The following GRIN2A variants were observed in gnomAD, a reference collection of about 807,000 sequenced individuals.
The protein encoded by GRIN2A is glutamate receptor ionotropic, NMDA 2A.
In GRIN2A, 22 loss-of-function variants were observed where a neutral mutation model predicts 113.4. That is an observed-to-expected ratio of 0.19 (90% CI 0.14 to 0.28). The LOEUF (loss-of-function observed/expected upper bound fraction) is 0.28, where lower values mean the gene tolerates loss of function less well. Among genes scored for constraint, GRIN2A ranks in the 10% least tolerant of loss-of-function variants. GRIN2A has a pLI of 1.00. For synonymous variants in GRIN2A, 827 were observed against 738.4 expected (o/e 1.12, Z -1.94); for missense variants, 1,502 against 1,887.0 (o/e 0.80, Z 3.78).
chr16:9,806,113 C>T (rs896425980), intron 10 of GRIN2A, among the ~76,000 whole-genome samples: 5 of 152,200 alleles, frequency 3.3e-5, no homozygotes, highest in East Asian at 1.9e-4. Flanking sequence ...TCTTGCATAG[C>T]GTAGTTAAAT....
At chr16:10,078,396 C>T (rs996231511) in intron 2 of GRIN2A, among the ~76,000 whole-genome samples, 4 of 151,908 alleles carry the variant, frequency 2.6e-5, no homozygotes, top group Non-Finnish European at 4.4e-5. Context: ...AGGAGCCACA[C>T]ATGTAGAATG....
rs1320797353 is a variant in GRIN2A, at chr16:9,764,276, C to A, written c.3268G>T (p.Val1090Leu). Residue 1090 changes from valine (V) to leucine (L), a missense_variant, in exon 13 of 13, where the codon GTG becomes TTG. Physicochemically the swap from Val to Leu is conservative, Grantham distance 32 (BLOSUM62 1). This residue lies in a region of GRIN2A where 832 missense variants were observed against 789.7 expected (regional missense o/e 1.05). Transcript: ENST00000330684. Reference sequence around the variant, plus strand: ...CAGTCCTTGGGGTATTTGGAGGCCACTGACCTTTTAAAGTTGTCCTTGGTT... The same window carrying A: ...CAGTCCTTGGGGTATTTGGAGGCCAATGACCTTTTAAAGTTGTCCTTGGTT... ...HKTKDNFKRSVASKYPKDCSE... is the reference protein window; with the variant it reads ...HKTKDNFKRSLASKYPKDCSE... The A allele has an allele frequency of 6.2e-7, 1 of 1,613,922 alleles. No homozygotes were observed. Among genetic ancestry groups the A allele is most frequent in the Non-Finnish European group, 8.5e-7 (1 of 1,179,996 alleles).
chr16:9,938,165 G>A lies in GRIN2A; in HGVS notation c.801C>T (p.Leu267=), dbSNP rs1186955038. The A allele has an allele frequency of 3.1e-6, 5 of 1,614,002 alleles. No individual in the cohort carries two copies. Among genetic ancestry groups the A allele is most frequent in the East Asian group, 2.2e-5 (1 of 44,858 alleles). ...VPSLVSGNTE[L]IPKEFPSGLI... is the part of the protein sequence containing the mutation. ...GTCCCGATGGAAACTCTTTTGGGAT[G>A]AGCTCCGTGTTCCCAGAGACCAAGC... is the stretch of plus-strand genomic sequence containing the variant. Residue 267 remains leucine, a synonymous_variant, in exon 3 of 13, where the codon CTC becomes CTT. Coordinates refer to ENST00000330684, the MANE Select transcript of GRIN2A (RefSeq NM_001134407.3).
At chr16:10,087,946 T>C (rs926314860) in intron 2 of GRIN2A, among the ~76,000 whole-genome samples, 1 of 145,808 alleles carries the variant, frequency 6.9e-6, no homozygotes, top group Non-Finnish European at 1.5e-5. Flanking sequence ...CACCTCGGCC[T>C]CCCAAAGTGC....
At chr16:9,824,229 T>A (rs531025737) in intron 9 of GRIN2A, among the ~76,000 whole-genome samples, 38 of 152,308 alleles carry the variant, frequency 2.5e-4, no homozygotes, top group African/African-American at 7.5e-4. Flanking sequence ...AGTATGTGCG[T>A]CCACGTGTGC....
intron 4 of GRIN2A, among the ~76,000 whole-genome samples, chr16:9,863,297 C>T (rs996235408): frequency 2.0e-5 from 3 of 152,208 alleles, no homozygotes; most frequent in African/African-American, 7.2e-5. Context: ...GCCAGGTTCT[C>T]GCCCCAATAT....
chr16:10,079,860 G>A (rs190956629), intron 2 of GRIN2A, among the ~76,000 whole-genome samples: 25 of 152,326 alleles, frequency 1.6e-4, no homozygotes, highest in Non-Finnish European at 3.1e-4. Flanking sequence ...CTATGATAAC[G>A]CAATGGTGTA....
intron 10 of GRIN2A, among the ~76,000 whole-genome samples, chr16:9,807,204 A>C (rs1306270196): frequency 1.7e-5 from 2 of 114,800 alleles, no homozygotes; most frequent in African/African-American, 6.8e-5. Flanking sequence ...AGAGAGAGGG[A>C]GATGGAGAGG....
rs1359194668 is a variant in GRIN2A, at chr16:9,891,044, T to A, written c.1064A>T (p.Tyr355Phe). Residue 355 changes from tyrosine to phenylalanine, a missense_variant, in exon 4 of 13, where the codon TAC (tyrosine) becomes TTC (phenylalanine). By Grantham distance (22) the Tyr-to-Phe change is conservative. Around this residue, in one of 7 missense-constraint regions of GRIN2A, gnomAD observed 334 missense variants for 403.0 expected, o/e 0.83. Transcript: ENST00000330684. ...GKDLSFTEEG[Y>F]QVHPRLVVIV... The stretch of plus-strand genomic sequence containing the variant: ...CACCACCAGCCTGGGGTGCACCTGG[T>A]AGCCTTCCTCAGTGAAGGATAAGTC... 1 of 1,613,580 alleles carries A rather than the reference T, an allele frequency of 6.2e-7. No individual in the cohort carries two copies. The highest frequency in any genetic ancestry group is 1.3e-5 in the African/African-American group (1 of 74,918).
chr16:9,785,334 C>A (rs1365535645), intron 11 of GRIN2A, among the ~76,000 whole-genome samples: 1 of 150,376 alleles, frequency 6.6e-6, no homozygotes, highest in East Asian at 2.0e-4. Context: ...CAAACTATCG[C>A]AAGGACAAAA....
In GRIN2A at chr16:10,180,389, G is replaced by A. The variant is rs773135168; in HGVS notation, c.23C>T (p.Thr8Ile). 2 of 1,607,210 alleles carry A rather than the reference G, an allele frequency of 1.2e-6. No individual in the cohort carries two copies. The highest frequency in any genetic ancestry group is 1.7e-6 in the Non-Finnish European group (2 of 1,179,848). Residue 8 changes from threonine to isoleucine, a missense_variant, in exon 2 of 13, where the codon ACC (threonine) becomes ATC (isoleucine). By Grantham distance (89) the Thr-to-Ile change is moderately conservative. This residue lies in a region of GRIN2A where 149 missense variants were observed against 179.1 expected (regional missense o/e 0.83). Transcript: ENST00000330684. The surrounding 1 kb of genome is among the most constrained non-coding windows in gnomAD (Gnocchi z 7.0). MGRVGYW[T>I]LLVLPALLVW... ...CAGAAGGGCCGGCAGCACCAGCAGG[G>A]TCCAATAGCCCACTCTGCCCATAGT... is the stretch of plus-strand genomic sequence containing the variant.
intron 10 of GRIN2A, among the ~76,000 whole-genome samples, chr16:9,810,003 G>A (rs1177773817): frequency 6.6e-6 from 1 of 152,202 alleles, no homozygotes; most frequent in East Asian, 1.9e-4. Flanking sequence ...AGGAGGTAGA[G>A]GTTGCAGTGG....
intron 2 of GRIN2A, among the ~76,000 whole-genome samples, chr16:10,126,116 A>G (rs943588391): frequency 3.9e-5 from 6 of 152,190 alleles, no homozygotes; most frequent in South Asian, 2.1e-4. Context: ...AATAATGCAA[A>G]GTCCCATCAA....
intron 2 of GRIN2A, among the ~76,000 whole-genome samples, chr16:10,098,280 G>T: frequency 6.6e-6 from 1 of 152,132 alleles, no homozygotes; most frequent in East Asian, 1.9e-4. Context: ...TGCAAGAATG[G>T]CCATAATCAA....
intron 3 of GRIN2A, among the ~76,000 whole-genome samples, chr16:9,901,114 T>A (rs2043913089): frequency 6.6e-6 from 1 of 152,218 alleles, no homozygotes; most frequent in African/African-American, 2.4e-5. Context: ...AAGCAGGGAT[T>A]TTGCCTGGTT....
intron 2 of GRIN2A, among the ~76,000 whole-genome samples, chr16:10,085,845 T>A (rs1306284683): frequency 6.6e-6 from 1 of 152,196 alleles, no homozygotes; most frequent in Admixed American, 6.5e-5. Context: ...ATTTAATTAG[T>A]TGGGGTGGTT....
chr16:9,946,175 T>C (rs2045013776), intron 2 of GRIN2A, among the ~76,000 whole-genome samples: 1 of 152,180 alleles, frequency 6.6e-6, no homozygotes, highest in African/African-American at 2.4e-5. Context: ...CTTATTGTTA[T>C]GCAAGGAAAC....
At chr16:9,872,688 C>A (rs2043289360) in intron 4 of GRIN2A, among the ~76,000 whole-genome samples, 1 of 152,046 alleles carries the variant, frequency 6.6e-6, no homozygotes, top group African/African-American at 2.4e-5. Context: ...ATGGATGGAA[C>A]TGGAGGCCAT....
Position 9,763,360 on chromosome 16 carries a change from G to T in GRIN2A, c.4184C>A (p.Ala1395Glu), listed in dbSNP as rs199696775. The change falls in exon 13 of 13, where the codon GCG (alanine) becomes GAG (glutamate). Residue 1395 changes from alanine (A) to glutamate (E), a missense_variant. Ala to Glu is a moderately radical substitution (Grantham distance 107, BLOSUM62 -1). Around this residue, in one of 7 missense-constraint regions of GRIN2A, gnomAD observed 832 missense variants for 789.7 expected, o/e 1.05. Coordinates refer to ENST00000330684, the MANE Select transcript of GRIN2A (RefSeq NM_001134407.3). ...CGACCGAAGATAGCTGTCATTCACC[G>T]CCTGGGATGGCAACGAGTGTTTGTA... ...DPYKHSLPSQ[A>E]VNDSYLRSSL... is the part of the protein sequence containing the mutation. 5 of 1,614,084 alleles carry T rather than the reference G, an allele frequency of 3.1e-6. No homozygotes were observed. Among genetic ancestry groups the T allele is most frequent in the Non-Finnish European group, 4.2e-6 (5 of 1,179,978 alleles).
Sources: gnomAD v4.1 joint callset for allele counts (sites outside exome capture counted in the v4.1 genomes callset) on GRCh38, gnomAD v4.1.1 for gene constraint, gnomAD v4.1.1 regional missense constraint, Gnocchi (gnomAD v3.1) non-coding constraint, MANE v1.5 for transcripts, NCBI Gene and HGNC (gene_info 2026-07-23, HGNC 2026-07-21) for gene names.